The following YAF2 variants were observed in gnomAD, a reference collection of about 807,000 sequenced individuals.
YAF2 encodes the protein YY1-associated factor 2.
Under a neutral mutation model 20.1 loss-of-function variants are expected in YAF2, and 7 were observed. The observed-to-expected ratio is 0.35, with a 90% CI of 0.20 to 0.65. YAF2 has a LOEUF of 0.65. Among genes scored for constraint, YAF2 ranks in the 30% least tolerant of loss-of-function variants. The pLI, the probability that YAF2 is intolerant of heterozygous loss-of-function variation, is 0.69. For synonymous variants in YAF2, 74 were observed against 76.0 expected (o/e 0.97, Z 0.14); for missense variants, 151 against 219.2 (o/e 0.69, Z 1.96).
chr12:42,192,964 T>C (rs757555900), intron 2 of YAF2, among the ~76,000 whole-genome samples: 2 of 152,240 alleles, frequency 1.3e-5, no homozygotes, highest in Non-Finnish European at 2.9e-5. Flanking sequence ...AGTACTCATG[T>C]GTTTGCAGTG....
intron 2 of YAF2, among the ~76,000 whole-genome samples, chr12:42,226,574 G>A (rs1207054320): frequency 6.6e-6 from 1 of 152,048 alleles, no homozygotes; most frequent in African/African-American, 2.4e-5. Context: ...TAAGGTGGGG[G>A]GACCACTTCA....
rs548540208 is a variant in YAF2, at chr12:42,165,884, A to ATATCTATCTATCTATCTATCTATC, written c.153-4120_153-4119insGATAGATAGATAGATAGATAGATA. 1.3e-3 allele frequency among the ~76,000 whole-genome samples: 197 copies of ATATCTATCTATCTATCTATCTATC among 146,920 alleles called. 1 individual carries two copies. Among genetic ancestry groups the ATATCTATCTATCTATCTATCTATC allele is most frequent in the African/African-American group, 4.7e-3 (186 of 39,622 alleles). On this transcript the variant is annotated intron_variant, in intron 2 of 3. Coordinates refer to ENST00000534854, the MANE Select transcript of YAF2 (RefSeq NM_005748.6). The stretch of plus-strand genomic sequence containing the variant: ...TGATTCTTGGTTTTAAATTCTATCT[A>ATATCTATCTATCTATCTATCTATC]TATCTATCTATCTATCTATCTGTCT...
intron 2 of YAF2, among the ~76,000 whole-genome samples, chr12:42,206,558 G>A (rs1205721810): frequency 1.3e-5 from 2 of 151,242 alleles, no homozygotes; most frequent in African/African-American, 2.4e-5. Context: ...GAAGTGAGCC[G>A]AGATAGCGCC....
intron 2 of YAF2, among the ~76,000 whole-genome samples, chr12:42,192,939 G>C (rs2066652139): frequency 6.6e-6 from 1 of 152,212 alleles, no homozygotes; most frequent in Non-Finnish European, 1.5e-5. Flanking sequence ...TGAAGTAGCT[G>C]TCATAACATC....
chr12:42,210,536 G>T (rs1187350469), intron 2 of YAF2: 1 of 1,535,894 alleles, frequency 6.5e-7, no homozygotes, highest in East Asian at 2.4e-5. Flanking sequence ...ATGCTTCAGT[G>T]CACTTGCTTA....
chr12:42,185,047 G>A (rs956757376), intron 2 of YAF2, among the ~76,000 whole-genome samples: 34 of 152,286 alleles, frequency 2.2e-4, no homozygotes, highest in Non-Finnish European at 4.4e-4. Context: ...GCTTGGTGGC[G>A]CATGGCTGTA....
At chr12:42,160,988 T>C (rs2065787621) in intron 3 of YAF2, 162 bp from the exon 4 acceptor site, 1 of 609,986 alleles carries the variant, frequency 1.6e-6, no homozygotes. Context: ...TTTCAACTCA[T>C]TAACATTAAT....
At position 42,175,404 on chromosome 12, in the gene YAF2, G is replaced by C. The variant is rs549299249; in HGVS notation, c.153-13639C>G. On this transcript the variant is annotated intron_variant, in intron 2 of 3. Coordinates refer to ENST00000534854, the MANE Select transcript of YAF2 (RefSeq NM_005748.6). ...GGGAGGAATTAAAAATGGGCACAAAGAAACTCCAGAAAATAATGGATGTGT... is the reference window on the plus strand; with the variant it reads ...GGGAGGAATTAAAAATGGGCACAAACAAACTCCAGAAAATAATGGATGTGT... 1.7e-4 allele frequency among the ~76,000 whole-genome samples: 26 copies of C among 152,144 alleles called. No individual in the cohort carries two copies. The South Asian group carries it at 2.1e-3, about 12-fold the overall frequency.
At chr12:42,224,038 A>T (rs2067606800) in intron 2 of YAF2, among the ~76,000 whole-genome samples, 1 of 152,160 alleles carries the variant, frequency 6.6e-6, no homozygotes, top group Non-Finnish European at 1.5e-5. Flanking sequence ...AAGTTAAAGT[A>T]AAATAAATAA....
chr12:42,188,225 A>C (rs2066523030), intron 2 of YAF2, among the ~76,000 whole-genome samples: 1 of 152,170 alleles, frequency 6.6e-6, no homozygotes, highest in African/African-American at 2.4e-5. Context: ...AAGAGAGAAA[A>C]AGGGAGAGGA....
intron 2 of YAF2, among the ~76,000 whole-genome samples, chr12:42,204,946 G>A (rs2066998096): frequency 6.6e-6 from 1 of 151,860 alleles, no homozygotes; most frequent in South Asian, 2.1e-4. Flanking sequence ...TTCTAAAAAT[G>A]ACTATAGTAA....
At chr12:42,172,445 T>C (rs1407168693) in intron 2 of YAF2, among the ~76,000 whole-genome samples, 1 of 152,230 alleles carries the variant, frequency 6.6e-6, no homozygotes, top group Non-Finnish European at 1.5e-5. Context: ...GCATGTGTGA[T>C]ACAGTGGTGG....
chr12:42,227,048 G>A (rs973285602), intron 2 of YAF2, among the ~76,000 whole-genome samples: 11 of 145,578 alleles, frequency 7.6e-5, no homozygotes, highest in Admixed American at 1.4e-4. Flanking sequence ...AGCCGCTGCC[G>A]CGACCGACCG....
intron 2 of YAF2, chr12:42,210,879 A>T: frequency 4.9e-6 from 2 of 408,860 alleles, no homozygotes; most frequent in Middle Eastern, 7.2e-4. Flanking sequence ...GTTTCATTTT[A>T]AAAAGTCTAC....
At chr12:42,176,521 CG>C (rs773215199) in intron 2 of YAF2, among the ~76,000 whole-genome samples, 77 of 152,258 alleles carry the variant, frequency 5.1e-4, no homozygotes, top group Middle Eastern at 6.8e-3. Context: ...TTGCTTAGAC[CG>C]AACACTTAGA....
chr12:42,226,865 G>A (rs1046914791), intron 2 of YAF2, among the ~76,000 whole-genome samples: 1 of 150,682 alleles, frequency 6.6e-6, no homozygotes, highest in Non-Finnish European at 1.5e-5. Context: ...CGGCGCCGGA[G>A]GCCCCAGAAG....
At position 42,161,748 on chromosome 12, in the gene YAF2, G is replaced by A; in HGVS notation, c.170C>T (p.Ser57Phe). ...GTSTRKPRPV[S>F]QLVAQQVTQQ... ...AGTAACCTGCTGTGCAACCAACTGG[G>A]AGACAGGTCGAGGTTTCCTGTGTGC... Residue 57 changes from serine to phenylalanine, a missense_variant, in exon 3 of 4, where the codon TCC becomes TTC. Coordinates refer to ENST00000534854, the MANE Select transcript of YAF2 (RefSeq NM_005748.6). The A allele has an allele frequency of 6.2e-7, 1 of 1,604,102 alleles. No homozygotes were observed. The highest frequency in any genetic ancestry group is 8.5e-7 in the Non-Finnish European group (1 of 1,177,670).
intron 2 of YAF2, among the ~76,000 whole-genome samples, chr12:42,165,452 GGTTTTT>G (rs375008305): frequency 5.1e-4 from 78 of 151,914 alleles, no homozygotes; most frequent in Admixed American, 1.6e-3. Context: ...ATGGCCAAAA[GGTTTTT>G]GTTTTTGTTT....
At chr12:42,209,548 A>T (rs942566667) in intron 2 of YAF2, among the ~76,000 whole-genome samples, 11 of 135,994 alleles carry the variant, frequency 8.1e-5, no homozygotes, top group African/African-American at 2.8e-4. Context: ...TGGGCGATAG[A>T]GCCAGACTTT....
Sources: gnomAD v4.1 joint callset for allele counts (sites outside exome capture counted in the v4.1 genomes callset) on GRCh38, gnomAD v4.1.1 for gene constraint, MANE v1.5 for transcripts, NCBI Gene and HGNC (gene_info 2026-07-23, HGNC 2026-07-21) for gene names.